MAP4K5: variants seen among roughly 807,000 people sequenced by gnomAD.
MAP4K5 encodes the protein mitogen-activated protein kinase kinase kinase kinase 5.
MAP4K5 carries 82 observed loss-of-function variants against 135.6 expected under a neutral mutation model. The observed-to-expected ratio is 0.60, with a 90% CI of 0.51 to 0.73. MAP4K5 has a LOEUF of 0.73. MAP4K5 is among the 30% of genes least tolerant of loss of function. MAP4K5 has a pLI of 0.00. For synonymous variants in MAP4K5, 347 were observed against 335.0 expected (o/e 1.04, Z -0.39); for missense variants, 907 against 1,010.9 (o/e 0.90, Z 1.39).
chr14:50,462,364 A>G (rs1327349425), intron 13 of MAP4K5, among the ~76,000 whole-genome samples: 1 of 152,202 alleles, frequency 6.6e-6, no homozygotes, highest in East Asian at 1.9e-4. Flanking sequence ...CCTGATTTCA[A>G]TCTCAGCTAC....
intron 9 of MAP4K5, among the ~76,000 whole-genome samples, chr14:50,474,106 T>C (rs2037040297): frequency 6.6e-6 from 1 of 152,072 alleles, no homozygotes; most frequent in Admixed American, 6.6e-5. Flanking sequence ...CACTGCACAT[T>C]AAAGAATCCA....
intron 13 of MAP4K5, among the ~76,000 whole-genome samples, chr14:50,458,008 TA>T (rs2036627932): frequency 6.6e-6 from 1 of 152,186 alleles, no homozygotes; most frequent in Non-Finnish European, 1.5e-5. Flanking sequence ...GGAGGAAAAT[TA>T]CACAGCAGAA....
At chr14:50,514,014 C>T (rs187737676) in intron 2 of MAP4K5, among the ~76,000 whole-genome samples, 73 of 152,316 alleles carry the variant, frequency 4.8e-4, no homozygotes, top group African/African-American at 1.6e-3. Flanking sequence ...TCAACTATGT[C>T]ATAGGCTGTA....
intron 16 of MAP4K5, among the ~76,000 whole-genome samples, chr14:50,446,886 T>C (rs1298065938): frequency 6.6e-6 from 1 of 152,244 alleles, no homozygotes; most frequent in East Asian, 1.9e-4. Flanking sequence ...GTAATTTTCA[T>C]GTGTAATAAA....
At chr14:50,539,159 C>T (rs184761814) in intron 2 of MAP4K5, among the ~76,000 whole-genome samples, 2 of 152,272 alleles carry the variant, frequency 1.3e-5, no homozygotes, top group Non-Finnish European at 2.9e-5. Context: ...AACTACTTGC[C>T]AAGGAAAATG....
intron 31 of MAP4K5, 68 bp from the exon 32 acceptor site, chr14:50,423,244 A>G (rs903197650): frequency 3.1e-6 from 2 of 642,008 alleles, no homozygotes; most frequent in African/African-American, 3.7e-5. Context: ...ATTTAAAATT[A>G]ATTTAGAGCA....
intron 6 of MAP4K5, among the ~76,000 whole-genome samples, chr14:50,478,776 ACT>A (rs1290526127): frequency 6.6e-6 from 1 of 151,270 alleles, no homozygotes; most frequent in African/African-American, 2.4e-5. Context: ...AGTCTGAAAA[ACT>A]CTATTTTGCC....
intron 9 of MAP4K5, among the ~76,000 whole-genome samples, chr14:50,473,352 T>C (rs1019363118): frequency 1.3e-5 from 2 of 152,154 alleles, no homozygotes; most frequent in Non-Finnish European, 2.9e-5. Flanking sequence ...GTCTATGCCA[T>C]TGTTTTTGCT....
chr14:50,490,569 A>G (rs948761013), intron 3 of MAP4K5, among the ~76,000 whole-genome samples: 4 of 152,214 alleles, frequency 2.6e-5, no homozygotes, highest in African/African-American at 9.7e-5. Context: ...CAAGTACAAG[A>G]TCCTGAAGGC....
intron 14 of MAP4K5, chr14:50,449,207 T>A (rs527317088): frequency 6.0e-6 from 1 of 165,352 alleles, no homozygotes; most frequent in African/African-American, 2.4e-5. Context: ...AGAGATGAAC[T>A]AAGAAAAACT....
chr14:50,474,999 T>A (rs1359255390), intron 9 of MAP4K5, 78 bp downstream of exon 9: 13 of 1,178,042 alleles, frequency 1.1e-5, no homozygotes, highest in Non-Finnish European at 1.7e-5. Context: ...TTATTACTTC[T>A]ATTACCAAGT....
intron 6 of MAP4K5, among the ~76,000 whole-genome samples, chr14:50,481,835 A>G (rs555458209): frequency 5.9e-5 from 9 of 152,374 alleles, no homozygotes; most frequent in African/African-American, 1.7e-4. Flanking sequence ...TCTGCTATCA[A>G]TAACATTTAA....
intron 2 of MAP4K5, among the ~76,000 whole-genome samples, chr14:50,513,955 G>A (rs891309372): frequency 6.6e-6 from 1 of 152,136 alleles, no homozygotes; most frequent in African/African-American, 2.4e-5. Context: ...GCACCCATAA[G>A]GTTTGAAAAA....
chr14:50,448,738 T>A, intron 15 of MAP4K5, 36 bp downstream of exon 15: 1 of 1,319,426 alleles, frequency 7.6e-7, no homozygotes, highest in Non-Finnish European at 1.1e-6. Context: ...TCTCAAATCT[T>A]AATGTGAAAA....
In MAP4K5 at chr14:50,445,165, G is replaced by T; in HGVS notation, c.1215C>A (p.Asn405Lys). ...TTGATGCTTTTTCTTCATCCGGAAAGTTGTCTTCAGGGTAACTGCTTATCC... is the reference window on the plus strand; with the variant it reads ...TTGATGCTTTTTCTTCATCCGGAAATTTGTCTTCAGGGTAACTGCTTATCC... ...KPRISSYPED[N>K]FPDEEKASTI... Residue 405 changes from asparagine (N) to lysine (K), a missense_variant, in exon 18 of 33, where the codon AAC becomes AAA. Transcript: ENST00000682126. The T allele has an allele frequency of 6.2e-7, 1 of 1,613,490 alleles. No individual in the cohort carries two copies. The highest frequency in any genetic ancestry group is 8.5e-7 in the Non-Finnish European group (1 of 1,179,620).
At chr14:50,555,346 A>T (rs1309360080) in intron 1 of MAP4K5, among the ~76,000 whole-genome samples, 2 of 152,150 alleles carry the variant, frequency 1.3e-5, no homozygotes, top group Non-Finnish European at 1.5e-5. Flanking sequence ...CAGTGGCGTG[A>T]TCTTGGCTCA....
intron 2 of MAP4K5, among the ~76,000 whole-genome samples, chr14:50,523,321 A>T (rs1462471849): frequency 6.6e-6 from 1 of 152,132 alleles, no homozygotes; most frequent in East Asian, 1.9e-4. Flanking sequence ...CAAAAAAAAA[A>T]ATCATAAATA....
chr14:50,522,965 T>TA (rs1302055483), intron 2 of MAP4K5, among the ~76,000 whole-genome samples: 9 of 152,098 alleles, frequency 5.9e-5, no homozygotes, highest in African/African-American at 1.9e-4. Context: ...AATTCATGCT[T>TA]AAAAAAATAA....
At chr14:50,511,631 A>C (rs999191367) in intron 2 of MAP4K5, among the ~76,000 whole-genome samples, 2 of 152,168 alleles carry the variant, frequency 1.3e-5, no homozygotes, top group Non-Finnish European at 2.9e-5. Context: ...GATCACTACA[A>C]ATTTTATGTA....
Sources: allele counts gnomAD v4.1 joint callset (sites outside exome capture counted in the v4.1 genomes callset), GRCh38; gene constraint gnomAD v4.1.1; transcripts MANE v1.5; gene names NCBI Gene and HGNC (gene_info 2026-07-23, HGNC 2026-07-21).